The following SCAPER variants were observed in gnomAD, a reference collection of about 807,000 sequenced individuals.
SCAPER encodes S-phase cyclin A associated protein in the ER.
SCAPER carries 98 observed loss-of-function variants against 182.2 expected under a neutral mutation model. The ratio of observed to expected loss-of-function variants is 0.54; its 90% CI spans 0.46 to 0.64. The LOEUF (loss-of-function observed/expected upper bound fraction) is 0.64, where lower values mean the gene tolerates loss of function less well. SCAPER is among the 30% of genes least tolerant of loss of function. The pLI is 0.00. For synonymous variants in SCAPER, 605 were observed against 564.6 expected (o/e 1.07, Z -1.01); for missense variants, 1,432 against 1,690.0 (o/e 0.85, Z 2.68).
chr15:76,382,414 AAAG>A (rs1266464250), intron 27 of SCAPER, among the ~76,000 whole-genome samples: 1 of 151,696 alleles, frequency 6.6e-6, no homozygotes, highest in African/African-American at 2.4e-5. Flanking sequence ...TTAAAAAAAA[AAAG>A]TAGAACCACT....
At chr15:76,690,254 G>GA (rs201379129) in intron 20 of SCAPER, among the ~76,000 whole-genome samples, 13 of 151,236 alleles carry the variant, frequency 8.6e-5, no homozygotes, top group East Asian at 1.9e-4. Context: ...GTAATCATGA[G>GA]AAAAAAAAAT....
chr15:76,461,531 A>C (rs1427077803), intron 25 of SCAPER, among the ~76,000 whole-genome samples: 1 of 152,000 alleles, frequency 6.6e-6, no homozygotes. Context: ...TAATTCATAT[A>C]GTAAGTTTTT....
At chr15:76,740,944 GGGTTCCCTAAAAAT>G (rs1164887888) in intron 15 of SCAPER, among the ~76,000 whole-genome samples, 1 of 151,962 alleles carries the variant, frequency 6.6e-6, no homozygotes, top group Non-Finnish European at 1.5e-5. Flanking sequence ...TTTTTAGCAA[GGGTTCCCTAAAAAT>G]GTTCAGAAAT....
chr15:76,739,629 C>T (rs1268051862), intron 15 of SCAPER, among the ~76,000 whole-genome samples: 1 of 152,152 alleles, frequency 6.6e-6, no homozygotes, highest in Non-Finnish European at 1.5e-5. Context: ...GTACTCACAA[C>T]AGTACACAAT....
chr15:76,511,841 ATATGTGTGTGTG>A (rs1271408342), intron 23 of SCAPER, among the ~76,000 whole-genome samples: 1 of 104,832 alleles, frequency 9.5e-6, no homozygotes, highest in African/African-American at 3.6e-5. Flanking sequence ...ATATATATAT[ATATGTGTGTGTG>A]TGTGTGTGTG....
chr15:76,480,399 C>T (rs1276669394), intron 24 of SCAPER, among the ~76,000 whole-genome samples: 1 of 152,188 alleles, frequency 6.6e-6, no homozygotes, highest in Non-Finnish European at 1.5e-5. Flanking sequence ...TGAAGTGAAC[C>T]TAAGTCAGTG....
intron 26 of SCAPER, among the ~76,000 whole-genome samples, chr15:76,415,858 C>T (rs1054130873): frequency 2.0e-5 from 3 of 152,102 alleles, no homozygotes; most frequent in African/African-American, 7.2e-5. Flanking sequence ...AAGGTCTAAA[C>T]CTAAGACAAA....
intron 29 of SCAPER, among the ~76,000 whole-genome samples, chr15:76,372,303 C>A (rs139634186): frequency 3.0e-4 from 46 of 152,294 alleles, no homozygotes; most frequent in Admixed American, 5.9e-4. Context: ...TCAGTCTGTT[C>A]CTCCTCCTTG....
intron 23 of SCAPER, among the ~76,000 whole-genome samples, chr15:76,514,489 CT>C (rs1270280960): frequency 6.6e-6 from 1 of 152,228 alleles, no homozygotes; most frequent in Admixed American, 6.5e-5. Context: ...AGCTGTTAAT[CT>C]TTGGCAGCCT....
chr15:76,707,410 C>CA (rs1197889911), intron 17 of SCAPER, among the ~76,000 whole-genome samples: 2 of 151,592 alleles, frequency 1.3e-5, no homozygotes, highest in Non-Finnish European at 2.9e-5. Context: ...CACAAAAACA[C>CA]AAAAAGGATG....
At chr15:76,430,928 G>T (rs1376917818) in intron 26 of SCAPER, among the ~76,000 whole-genome samples, 1 of 152,120 alleles carries the variant, frequency 6.6e-6, no homozygotes, top group African/African-American at 2.4e-5. Context: ...GGGACCCGGT[G>T]GGAGGTAACT....
intron 21 of SCAPER, among the ~76,000 whole-genome samples, chr15:76,651,564 G>C (rs2055039979): frequency 7.2e-6 from 1 of 138,284 alleles, no homozygotes; most frequent in Admixed American, 7.5e-5. Flanking sequence ...ATTAGGAAGA[G>C]ATTGAAATCA....
chr15:76,512,168 G>C (rs1016776179), intron 23 of SCAPER, among the ~76,000 whole-genome samples: 1 of 151,854 alleles, frequency 6.6e-6, no homozygotes, highest in Non-Finnish European at 1.5e-5. Flanking sequence ...GATTACAGGC[G>C]TGAGCCACCA....
intron 8 of SCAPER, among the ~76,000 whole-genome samples, chr15:76,782,518 G>A (rs920168328): frequency 1.3e-5 from 2 of 152,116 alleles, no homozygotes; most frequent in East Asian, 3.9e-4. Context: ...ACTCAGCTCT[G>A]CACCAAGCCG....
At chr15:76,363,540 G>A (rs892129892) in intron 29 of SCAPER, among the ~76,000 whole-genome samples, 1 of 152,150 alleles carries the variant, frequency 6.6e-6, no homozygotes, top group Non-Finnish European at 1.5e-5. Context: ...AGGCCAAATC[G>A]GTTCCATTGG....
At chr15:76,864,180 G>A (rs994149005) in intron 2 of SCAPER, among the ~76,000 whole-genome samples, 16 of 152,114 alleles carry the variant, frequency 1.1e-4, no homozygotes, top group African/African-American at 3.1e-4. Flanking sequence ...ATTAAAAACC[G>A]TGAGTTTATA....
intron 22 of SCAPER, among the ~76,000 whole-genome samples, chr15:76,615,728 G>A (rs2051417857): frequency 2.0e-5 from 3 of 150,936 alleles, no homozygotes; most frequent in African/African-American, 7.3e-5. Context: ...GCAGAGGCAG[G>A]AGAATTACTT....
intron 24 of SCAPER, among the ~76,000 whole-genome samples, chr15:76,480,965 T>G (rs2051080088): frequency 1.3e-5 from 2 of 152,172 alleles, no homozygotes; most frequent in Non-Finnish European, 1.5e-5. Flanking sequence ...TCTCCTGACC[T>G]TGTGATCCGC....
chr15:76,484,353 T>C (rs2051409303), intron 24 of SCAPER, among the ~76,000 whole-genome samples: 1 of 151,984 alleles, frequency 6.6e-6, no homozygotes, highest in Non-Finnish European at 1.5e-5. Context: ...GTAGAGAATA[T>C]TATGAACACA....
Sources: allele counts gnomAD v4.1 joint callset (sites outside exome capture counted in the v4.1 genomes callset), GRCh38; gene constraint gnomAD v4.1.1; transcripts MANE v1.5; gene names NCBI Gene and HGNC (gene_info 2026-07-23, HGNC 2026-07-21).